Variants in PALM2AKAP2 observed in about 807,000 individuals in gnomAD.
PALM2AKAP2 encodes PALM2 and AKAP2 fusion.
Under a neutral mutation model 71.5 loss-of-function variants are expected in PALM2AKAP2, and 37 were observed. The observed-to-expected ratio is 0.52, with a 90% CI of 0.40 to 0.68. PALM2AKAP2 has a LOEUF of 0.68. Ranked by LOEUF, PALM2AKAP2 falls within the 30% of genes least tolerant of loss-of-function variation. The probability of loss-of-function intolerance (pLI) is 0.00; values close to 1 mark genes in which losing one functional copy is unlikely to be tolerated. For synonymous variants in PALM2AKAP2, 468 were observed against 478.8 expected, an observed-to-expected ratio of 0.98 and a Z score of 0.29; for missense variants, 1,224 against 1,191.8, an observed-to-expected ratio of 1.03 and a Z score of -0.40.
intron 6 of PALM2AKAP2, among the ~76,000 whole-genome samples, chr9:109,990,473 T>C (rs948458282): frequency 2.0e-5 from 3 of 152,196 alleles, no homozygotes; most frequent in African/African-American, 7.2e-5. Context: ...TTCTGTATAG[T>C]GTCGTCAAAG....
At chr9:110,165,087 G>A (rs1836701770) in intron 3 of PALM2AKAP2, among the ~76,000 whole-genome samples, 1 of 152,034 alleles carries the variant, frequency 6.6e-6, no homozygotes, top group South Asian at 2.1e-4. Context: ...TAAAAAATGG[G>A]AGTAATAACA....
chr9:109,674,397 A>C (rs1357210657), intron 1 of PALM2AKAP2, among the ~76,000 whole-genome samples: 1 of 151,952 alleles, frequency 6.6e-6, no homozygotes, highest in Non-Finnish European at 1.5e-5. Flanking sequence ...AGTGATTTTT[A>C]ATTATATGCC....
At chr9:110,044,845 T>G (rs1156774734), upstream of PALM2AKAP2, among the ~76,000 whole-genome samples, 1 of 152,168 alleles carries the variant, frequency 6.6e-6, no homozygotes, top group African/African-American at 2.4e-5. Flanking sequence ...ATCAGTTCTC[T>G]GAGACACTTC....
intron 1 of PALM2AKAP2, among the ~76,000 whole-genome samples, chr9:109,758,267 T>A (rs991576707): frequency 5.3e-5 from 8 of 152,156 alleles, no homozygotes; most frequent in Non-Finnish European, 1.2e-4. Context: ...TTTAACCCTA[T>A]GGATGGACAT....
chr9:110,085,006 C>T (rs1365828539), intron 1 of PALM2AKAP2, among the ~76,000 whole-genome samples: 2 of 152,094 alleles, frequency 1.3e-5, no homozygotes, highest in African/African-American at 2.4e-5. Context: ...TCTCAAAGTG[C>T]TGGGATTACA....
At chr9:109,843,598 T>C (rs967766771) in intron 1 of PALM2AKAP2, among the ~76,000 whole-genome samples, 1 of 152,208 alleles carries the variant, frequency 6.6e-6, no homozygotes, top group Non-Finnish European at 1.5e-5. Context: ...AAGACCACTC[T>C]GCATAATAAA....
intron 1 of PALM2AKAP2, among the ~76,000 whole-genome samples, chr9:110,096,319 A>T (rs1035759169): frequency 6.6e-6 from 1 of 151,904 alleles, no homozygotes; most frequent in Non-Finnish European, 1.5e-5. Flanking sequence ...GTTGGAGTAC[A>T]GTAGCAGGTT....
At chr9:109,999,271 G>A (rs1050442034) in intron 6 of PALM2AKAP2, among the ~76,000 whole-genome samples, 22 of 151,898 alleles carry the variant, frequency 1.4e-4, no homozygotes, top group Admixed American at 4.6e-4. Flanking sequence ...CCTTGGAGGT[G>A]GAGATTACAG....
chr9:109,680,394 G>A (rs1228165759), intron 1 of PALM2AKAP2, among the ~76,000 whole-genome samples: 1 of 152,204 alleles, frequency 6.6e-6, no homozygotes, highest in Non-Finnish European at 1.5e-5. Context: ...TCCACAGCAG[G>A]TAACCCAAAG....
intron 4 of PALM2AKAP2, 74 bp from the exon 5 acceptor site, chr9:109,924,987 C>A: frequency 6.2e-7 from 1 of 1,607,976 alleles, no homozygotes; most frequent in Non-Finnish European, 8.5e-7. Flanking sequence ...TGGGTTAAGT[C>A]TTTAAAGATG....
At chr9:110,006,052 A>G (rs1264385265) in intron 6 of PALM2AKAP2, among the ~76,000 whole-genome samples, 1 of 152,120 alleles carries the variant, frequency 6.6e-6, no homozygotes, top group Non-Finnish European at 1.5e-5. Flanking sequence ...CTGTCCAACA[A>G]TCCCCAGTGA....
At chr9:109,966,727 T>G (rs1477489961) in intron 6 of PALM2AKAP2, among the ~76,000 whole-genome samples, 1 of 152,256 alleles carries the variant, frequency 6.6e-6, no homozygotes, top group Non-Finnish European at 1.5e-5. Flanking sequence ...TAATGTACTT[T>G]CAAAACAGTC....
intron 6 of PALM2AKAP2, among the ~76,000 whole-genome samples, chr9:109,974,511 C>A (rs769079655): frequency 5.3e-5 from 8 of 152,060 alleles, no homozygotes; most frequent in Non-Finnish European, 7.4e-5. Flanking sequence ...AAAGAGAAAC[C>A]CAGATTTGAT....
chr9:110,144,442 C>G (rs916438135), intron 2 of PALM2AKAP2, among the ~76,000 whole-genome samples: 2 of 152,214 alleles, frequency 1.3e-5, no homozygotes, highest in African/African-American at 4.8e-5. Context: ...GCATATAATA[C>G]TAGTTATTTC....
intron 1 of PALM2AKAP2, among the ~76,000 whole-genome samples, chr9:109,798,875 T>C (rs776017518): frequency 6.6e-5 from 10 of 152,256 alleles, no homozygotes; most frequent in Admixed American, 6.5e-5. Context: ...TTGTTCAAGA[T>C]CATCCAGGCT....
intron 6 of PALM2AKAP2, among the ~76,000 whole-genome samples, chr9:110,010,133 G>A (rs1832853517): frequency 6.6e-6 from 1 of 152,112 alleles, no homozygotes; most frequent in Non-Finnish European, 1.5e-5. Flanking sequence ...TGTCCCTGAT[G>A]GATATTTATA....
exon 4 of PALM2AKAP2, chr9:110,168,700 A>C (rs1836793229): frequency 4.8e-6 from 3 of 629,036 alleles, no homozygotes; most frequent in East Asian, 3.3e-5. Flanking sequence ...CCCAGGAATC[A>C]AAAGAGAAAG....
intron 1 of PALM2AKAP2, among the ~76,000 whole-genome samples, chr9:109,654,445 ATAT>A (rs1171434094): frequency 6.6e-6 from 1 of 152,214 alleles, no homozygotes; most frequent in Non-Finnish European, 1.5e-5. Flanking sequence ...AAGACAATGC[ATAT>A]TTGTTAATTA....
chr9:110,045,390 G>A (rs79916100), upstream of PALM2AKAP2, among the ~76,000 whole-genome samples: 6,304 of 152,022 alleles, frequency 0.041, 195 homozygotes, highest in South Asian at 0.11. Flanking sequence ...GTTAACACAC[G>A]TATGATGTGA....
Sources: allele counts gnomAD v4.1 joint callset (sites outside exome capture counted in the v4.1 genomes callset), GRCh38; gene constraint gnomAD v4.1.1; transcripts MANE v1.5; gene names NCBI Gene and HGNC (gene_info 2026-07-23, HGNC 2026-07-21).